The following DDX19A variants were observed in gnomAD, a reference collection of about 807,000 sequenced individuals.
DDX19A encodes ATP-dependent RNA helicase DDX19A.
A neutral mutation model predicts 60.6 loss-of-function variants in DDX19A; 12 were observed. That is an observed-to-expected ratio of 0.20 (90% confidence interval 0.13 to 0.32). The LOEUF (loss-of-function observed/expected upper bound fraction) is 0.32. DDX19A is among the 10% of genes least tolerant of loss of function. DDX19A has a pLI of 1.00. For missense variants in DDX19A, 337 were observed against 600.6 expected (o/e 0.56, Z 4.59); for synonymous variants, 206 against 218.2 (o/e 0.94, Z 0.49).
At chr16:70,364,964 G>C in intron 6 of DDX19A, 53 bp from the exon 7 acceptor site, 1 of 1,441,542 alleles carries the variant, frequency 6.9e-7, no homozygotes, top group Non-Finnish European at 9.8e-7. Context: ...GGTGCCTTCA[G>C]GTCTGTTACC....
At chr16:70,369,173 GTTTTTTTTTTTT>G (rs560443179) in intron 9 of DDX19A, among the ~76,000 whole-genome samples, 8 of 96,334 alleles carry the variant, frequency 8.3e-5, no homozygotes, top group South Asian at 6.6e-4. Flanking sequence ...GGCCAATCTG[GTTTTTTTTTTTT>G]TTTTTTTTTT....
intron 4 of DDX19A, among the ~76,000 whole-genome samples, chr16:70,357,388 TTTTTTTTTTTTTTTG>T (rs1964244743): frequency 2.2e-5 from 2 of 91,626 alleles, no homozygotes; most frequent in African/African-American, 5.1e-5. Context: ...TTTTTTTTTT[TTTTTTTTTTTTTTTG>T]AGACCAAGTC....
At chr16:70,369,171 TG>T (rs1478043571) in intron 9 of DDX19A, among the ~76,000 whole-genome samples, 6 of 125,798 alleles carry the variant, frequency 4.8e-5, no homozygotes, top group Non-Finnish European at 8.3e-5. Context: ...CCGGCCAATC[TG>T]GTTTTTTTTT....
intron 1 of DDX19A, among the ~76,000 whole-genome samples, chr16:70,347,502 T>C (rs994053375): frequency 6.6e-6 from 1 of 152,232 alleles, no homozygotes; most frequent in Non-Finnish European, 1.5e-5. Context: ...CTACTGCAGA[T>C]GTTGGAAGGA....
chr16:70,365,837 A>G lies in DDX19A; in HGVS notation c.605-248A>G, dbSNP rs960594304. 105 of 576,944 alleles carry G rather than the reference A, an allele frequency of 1.8e-4. No homozygotes were observed. The African/African-American group carries it at 1.8e-3, about 10-fold the overall frequency. The allele number at this position is 576,944 out of a possible 1,614,324, so 35.7% of individuals were successfully genotyped here. A position where few individuals can be genotyped will look rare whatever the true frequency, so the allele number is the denominator to read the frequency against. ...TGGATGATGTTGGATTATAGGAGGA[A>G]GAAGAAGGGAACTGATGCTTATTGA... On this transcript the variant is annotated intron_variant, in intron 7 of 11. Transcript: ENST00000302243.
Position 70,366,681 on chromosome 16 carries a change from G to C in DDX19A, c.840G>C (p.Val280=). 1 of 1,614,250 alleles carries C rather than the reference G, an allele frequency of 6.2e-7. No individual in the cohort carries two copies. Among genetic ancestry groups the C allele is most frequent in the Non-Finnish European group, 8.5e-7 (1 of 1,180,052 alleles). The part of the protein sequence containing the change: ...LLFSATFEDS[V]WKFAQKVVPD... The stretch of plus-strand genomic sequence containing the variant: ...TCTCCGCCACCTTTGAAGACTCTGT[G>C]TGGAAGTTTGCCCAGAAAGTGGTCC... The change falls in exon 9 of 12, where the codon GTG becomes GTC. Residue 280 remains valine, a synonymous_variant. Transcript: ENST00000302243.
chr16:70,357,274 T>A (rs1378795771), intron 4 of DDX19A, among the ~76,000 whole-genome samples: 3,105 of 107,352 alleles, frequency 0.029, 189 homozygotes, highest in African/African-American at 0.14. Flanking sequence ...AAAAAAAATA[T>A]ATATATATAT....
At chr16:70,359,186 T>A (rs1318497884) in intron 4 of DDX19A, among the ~76,000 whole-genome samples, 1 of 152,192 alleles carries the variant, frequency 6.6e-6, no homozygotes, top group Non-Finnish European at 1.5e-5. Flanking sequence ...TGAGTTAATC[T>A]GCAAAATCAA....
intron 2 of DDX19A, among the ~76,000 whole-genome samples, chr16:70,354,285 T>C (rs1190547132): frequency 6.6e-6 from 1 of 152,120 alleles, no homozygotes; most frequent in African/African-American, 2.4e-5. Flanking sequence ...TAGCTGGGAT[T>C]ACAGGCATGC....
In DDX19A at chr16:70,346,912, C is replaced by G; in HGVS notation, c.-80C>G. On this transcript the variant is annotated 5_prime_UTR_variant, in exon 1 of 12. Transcript: ENST00000302243. ...CCGGTCCGCGTGAGGTGCATTCTCGCGCCGGTGGCGAGGTTAGGGCCCGCG... is the reference window on the plus strand; with the variant it reads ...CCGGTCCGCGTGAGGTGCATTCTCGGGCCGGTGGCGAGGTTAGGGCCCGCG... 7.0e-7 allele frequency: 1 copy of G among 1,434,868 alleles called. No homozygotes were observed. The highest frequency in any genetic ancestry group is 1.2e-5 in the South Asian group (1 of 82,198). 88.9% of individuals were successfully genotyped at this position (1,434,868 alleles called of 1,614,324 possible).
chr16:70,349,760 C>T (rs1001377093), intron 1 of DDX19A, among the ~76,000 whole-genome samples: 1 of 152,188 alleles, frequency 6.6e-6, no homozygotes, highest in African/African-American at 2.4e-5. Flanking sequence ...TGGTTTCAAA[C>T]CTTGTGAAAT....
intron 2 of DDX19A, among the ~76,000 whole-genome samples, chr16:70,352,366 C>G (rs1227978304): frequency 6.6e-6 from 1 of 150,566 alleles, no homozygotes; most frequent in East Asian, 2.0e-4. Context: ...CTCACTCCAA[C>G]CTCCGCCTCC....
intron 9 of DDX19A, among the ~76,000 whole-genome samples, chr16:70,369,470 GCCTGGCC>G (rs1253665306): frequency 6.6e-6 from 1 of 151,860 alleles, no homozygotes; most frequent in Non-Finnish European, 1.5e-5. Context: ...GAGCCACCGC[GCCTGGCC>G]CCCAGGGTAG....
chr16:70,352,140 T>C (rs2152224336), intron 2 of DDX19A, among the ~76,000 whole-genome samples: 1 of 152,300 alleles, frequency 6.6e-6, no homozygotes, highest in East Asian at 1.9e-4. Context: ...CCAAAGACTT[T>C]ATGCAAAGCA....
chr16:70,353,229 C>T (rs1208979218), intron 2 of DDX19A, among the ~76,000 whole-genome samples: 1 of 151,612 alleles, frequency 6.6e-6, no homozygotes, highest in Non-Finnish European at 1.5e-5. Flanking sequence ...ATTCTTCTGT[C>T]TCTGCATCCC....
chr16:70,372,355 A>G lies in DDX19A; in HGVS notation c.*369A>G, dbSNP rs1290569726. 5.8e-6 allele frequency: 2 copies of G among 342,582 alleles called. No individual in the cohort carries two copies. The highest frequency in any genetic ancestry group is 1.1e-5 in the Non-Finnish European group (2 of 182,130). 21.2% of individuals were successfully genotyped at this position (342,582 alleles called of 1,614,324 possible). A position where few individuals can be genotyped will look rare whatever the true frequency, so the allele number is the denominator to read the frequency against. ...AACGATAGATGTGCAGGTTGTGCGG[A>G]AGAGGCTGAGTGGAAAATGGTGTGA... On this transcript the variant is annotated 3_prime_UTR_variant, in exon 12 of 12. Transcript: ENST00000302243.
intron 8 of DDX19A, 140 bp downstream of exon 8, chr16:70,366,402 A>G (rs765789754): frequency 1.1e-5 from 15 of 1,354,144 alleles, no homozygotes; most frequent in Non-Finnish European, 1.4e-5. Context: ...GGCCATTTCC[A>G]TGTCAGCGCT....
In DDX19A at chr16:70,350,557, A is replaced by G; in HGVS notation, c.58A>G (p.Met20Val). 1 of 1,611,258 alleles carries G rather than the reference A, an allele frequency of 6.2e-7. No homozygotes were observed. Among genetic ancestry groups the G allele is most frequent in the Non-Finnish European group, 8.5e-7 (1 of 1,178,644 alleles). Residue 20 changes from methionine to valine, a missense_variant and splice_region_variant, in exon 2 of 12, where the codon ATG (methionine) becomes GTG (valine). Physicochemically the swap from Met to Val is conservative, Grantham distance 21. Coordinates refer to ENST00000302243, the MANE Select transcript of DDX19A (RefSeq NM_018332.5). ...TCTGTTTTCTTTTATTTCTATTCAG[A>G]TGACCAATTTGCAGATCAAGGAAGA... Reference protein sequence around the residue: ...VDEQEAAVKSMTNLQIKEEKV... With the variant: ...VDEQEAAVKSVTNLQIKEEKV...
intron 7 of DDX19A, chr16:70,365,755 G>A (rs1255146899): frequency 5.2e-6 from 2 of 385,952 alleles, no homozygotes; most frequent in Non-Finnish European, 9.8e-6. Flanking sequence ...ACTCTAGTCT[G>A]GGCAACAGAG....
Sources: gnomAD v4.1 joint callset for allele counts (sites outside exome capture counted in the v4.1 genomes callset) on GRCh38, gnomAD v4.1.1 for gene constraint, MANE v1.5 for transcripts, NCBI Gene and HGNC (gene_info 2026-07-23, HGNC 2026-07-21) for gene names.